The following RUBCN variants were observed in gnomAD, a reference collection of about 807,000 sequenced individuals.
RUBCN encodes rubicon autophagy regulator.
A neutral mutation model predicts 113.2 loss-of-function variants in RUBCN; 74 were observed. The ratio of observed to expected loss-of-function variants is 0.65; its 90% confidence interval spans 0.54 to 0.79. The LOEUF is 0.79. Ranked by LOEUF, RUBCN falls within the 30% of genes least tolerant of loss-of-function variation. The probability of loss-of-function intolerance (pLI) is 0.00; values close to 1 mark genes in which losing one functional copy is unlikely to be tolerated. For synonymous variants in RUBCN, 480 were observed against 490.0 expected (o/e 0.98, Z 0.27); for missense variants, 1,109 against 1,251.7 (o/e 0.89, Z 1.72).
intron 1 of RUBCN, among the ~76,000 whole-genome samples, chr3:197,734,748 T>C (rs1727927164): frequency 6.6e-6 from 1 of 152,168 alleles, no homozygotes; most frequent in Non-Finnish European, 1.5e-5. Context: ...AGAATTTACA[T>C]GGGACCTTTC....
chr3:197,731,478 T>A (rs1727457431), intron 1 of RUBCN, among the ~76,000 whole-genome samples: 1 of 152,278 alleles, frequency 6.6e-6, no homozygotes, highest in Admixed American at 6.5e-5. Flanking sequence ...ACCGCCATTG[T>A]CATCATGGCC....
chr3:197,709,422 C>G (rs1470134789), intron 2 of RUBCN, among the ~76,000 whole-genome samples: 1 of 152,080 alleles, frequency 6.6e-6, no homozygotes, highest in East Asian at 1.9e-4. Flanking sequence ...TCTCTGTTGC[C>G]CAAGCTGGAG....
chr3:197,689,556 AG>A (rs1722202685), intron 11 of RUBCN, among the ~76,000 whole-genome samples: 1 of 152,204 alleles, frequency 6.6e-6, no homozygotes, highest in African/African-American at 2.4e-5. Context: ...ACCGGAAACC[AG>A]TTAGAAAGGG....
At chr3:197,691,166 T>C (rs1179430996) in intron 11 of RUBCN, 4 of 1,202,446 alleles carry the variant, frequency 3.3e-6, no homozygotes, top group East Asian at 1.1e-4. Flanking sequence ...ATAATGATGA[T>C]AAAAGGGGGC....
At chr3:197,699,274 C>A in intron 7 of RUBCN, 2 of 1,380,348 alleles carry the variant, frequency 1.4e-6, no homozygotes, top group Non-Finnish European at 2.0e-6. Context: ...CCAGATAGAG[C>A]AATGAGAATA....
intron 11 of RUBCN, among the ~76,000 whole-genome samples, chr3:197,684,901 C>G (rs1192207575): frequency 6.6e-6 from 1 of 152,154 alleles, no homozygotes; most frequent in East Asian, 1.9e-4. Flanking sequence ...AGTTTTGCCT[C>G]TAACATGTCA....
chr3:197,684,256 C>T (rs12107435), intron 11 of RUBCN, 39 bp from the exon 12 acceptor site: 128,162 of 1,546,604 alleles, frequency 0.083, 5,875 homozygotes, highest in African/African-American at 0.15. Flanking sequence ...GCAATGGAAA[C>T]GGGGTGGGTA....
chr3:197,699,048 C>A (rs1723337211), intron 7 of RUBCN: 1 of 700,552 alleles, frequency 1.4e-6, no homozygotes, highest in African/African-American at 1.8e-5. Context: ...ATACTGGTAT[C>A]ATTTTATAGA....
chr3:197,674,657 T>C lies in RUBCN; in HGVS notation c.*361A>G. 1 of 413,794 alleles carries C rather than the reference T, an allele frequency of 2.4e-6. No individual in the cohort carries two copies. Among genetic ancestry groups the C allele is most frequent in the Non-Finnish European group, 4.8e-6 (1 of 208,938 alleles). The allele number at this position is 413,794 out of a possible 1,614,324, so 25.6% of individuals were successfully genotyped here. On this transcript the variant is annotated 3_prime_UTR_variant, in exon 20 of 20. Transcript: ENST00000296343. Reference sequence around the variant, plus strand: ...AACTGAAACAAAGGAAAATTGGAAATGATACCTGACATGCAGGTGAAACCT... The same window carrying C: ...AACTGAAACAAAGGAAAATTGGAAACGATACCTGACATGCAGGTGAAACCT...
chr3:197,723,028 T>C (rs1382720840), intron 1 of RUBCN, among the ~76,000 whole-genome samples: 2 of 152,174 alleles, frequency 1.3e-5, no homozygotes, highest in Admixed American at 1.3e-4. Flanking sequence ...TTTCTTTCTG[T>C]TACTGTCTTC....
chr3:197,716,108 G>A (rs1225545675), intron 2 of RUBCN, among the ~76,000 whole-genome samples: 1 of 152,192 alleles, frequency 6.6e-6, no homozygotes, highest in East Asian at 1.9e-4. Flanking sequence ...ATGTCACTGA[G>A]CACATGGAGT....
Position 197,675,400 on chromosome 3 carries a change from C to G in RUBCN, c.2740+22G>C. 1 of 1,599,796 alleles carries G rather than the reference C, an allele frequency of 6.3e-7. No homozygotes were observed. Among genetic ancestry groups the G allele is most frequent in the Non-Finnish European group, 8.6e-7 (1 of 1,167,708 alleles). ...AGCCCTGTGTTCAGGCTCACTTGCC[C>G]GATGCCTGCACCTGCCCTCACCTTC... On this transcript the variant is annotated intron_variant, in intron 19 of 19. Transcript: ENST00000296343. This position sits in a 1 kb window ranked among gnomAD's most constrained non-coding sequence, Gnocchi z 4.4.
intron 1 of RUBCN, among the ~76,000 whole-genome samples, chr3:197,735,075 A>G (rs1164576702): frequency 2.6e-5 from 4 of 152,172 alleles, no homozygotes. Flanking sequence ...TGAGACCATC[A>G]TTATATCTGA....
intron 7 of RUBCN, among the ~76,000 whole-genome samples, chr3:197,700,261 G>A (rs1157700153): frequency 6.6e-6 from 1 of 152,154 alleles, no homozygotes; most frequent in Non-Finnish European, 1.5e-5. Context: ...GACGTCACAG[G>A]AAATGACAGA....
Position 197,683,474 on chromosome 3 carries a change from G to C in RUBCN, c.1848-35C>G. ...GGAGAATCAAGGACGGCTGAACACA[G>C]GGAAAGGATGGGCGATGCGAGGCTT... On this transcript the variant is annotated intron_variant, in intron 12 of 19. Transcript: ENST00000296343. This position sits in a 1 kb window ranked among gnomAD's most constrained non-coding sequence, Gnocchi z 4.6. 1 of 1,612,296 alleles carries C rather than the reference G, an allele frequency of 6.2e-7. No individual in the cohort carries two copies. The highest frequency in any genetic ancestry group is 8.5e-7 in the Non-Finnish European group (1 of 1,179,494).
chr3:197,674,985 C>T lies in RUBCN; in HGVS notation c.*33G>A. On this transcript the variant is annotated 3_prime_UTR_variant, in exon 20 of 20. Coordinates refer to ENST00000296343, the MANE Select transcript of RUBCN (RefSeq NM_014687.4). Reference sequence around the variant, plus strand: ...TGGCTCAGTTCTGCAACAGGTGTGACCCGGCCCGGAGGGAGGGCTGCACGT... The same window carrying T: ...TGGCTCAGTTCTGCAACAGGTGTGATCCGGCCCGGAGGGAGGGCTGCACGT... 1.9e-6 allele frequency: 3 copies of T among 1,605,266 alleles called. No homozygotes were observed. Among genetic ancestry groups the T allele is most frequent in the Non-Finnish European group, 2.5e-6 (3 of 1,179,240 alleles).
rs58150164 is a variant in RUBCN, at chr3:197,686,066, GA to G, written c.1787-1850del. ...CATCCTGTTTGGGAGTAACACAAAA[GA>G]AAAAAAAAAATCTTAGCTATCCCTG... On this transcript the variant is annotated intron_variant, in intron 11 of 19. Transcript: ENST00000296343. 5.3e-3 allele frequency among the ~76,000 whole-genome samples: 766 copies of G among 144,888 alleles called. 7 individuals are homozygous for G. The highest frequency in any genetic ancestry group is 0.016 in the African/African-American group (648 of 39,764).
Position 197,675,849 on chromosome 3 carries a change from C to A in RUBCN, c.2647-334G>T, listed in dbSNP as rs974210180. ...TCATGATTTTATTTCAGAATAGGAA[C>A]CACAAGCAATTAAGATAAAATGTGG... On this transcript the variant is annotated intron_variant, in intron 18 of 19. Coordinates refer to ENST00000296343, the MANE Select transcript of RUBCN (RefSeq NM_014687.4). The surrounding 1 kb of genome is among the most constrained non-coding windows in gnomAD (Gnocchi z 4.4). Among the ~76,000 whole-genome samples the A allele has an allele frequency of 6.6e-6, 1 of 152,172 alleles. No individual in the cohort carries two copies. Among genetic ancestry groups the A allele is most frequent in the Non-Finnish European group, 1.5e-5 (1 of 68,038 alleles).
At chr3:197,724,116 C>G (rs1188913521) in intron 1 of RUBCN, among the ~76,000 whole-genome samples, 1 of 152,092 alleles carries the variant, frequency 6.6e-6, no homozygotes, top group Non-Finnish European at 1.5e-5. Flanking sequence ...GAATAAAATA[C>G]CAACTACCTT....
Sources: allele counts gnomAD v4.1 joint callset (sites outside exome capture counted in the v4.1 genomes callset), GRCh38; gene constraint gnomAD v4.1.1; non-coding constraint Gnocchi (gnomAD v3.1); transcripts MANE v1.5; gene names NCBI Gene and HGNC (gene_info 2026-07-23, HGNC 2026-07-21).